PLEKHH2: variants seen among roughly 807,000 people sequenced by gnomAD.
The protein encoded by PLEKHH2 is pleckstrin homology, MyTH4 and FERM domain containing H2.
A neutral mutation model predicts 187.9 loss-of-function variants in PLEKHH2; 129 were observed. That is an observed-to-expected ratio of 0.69 (90% CI 0.59 to 0.79). The LOEUF (loss-of-function observed/expected upper bound fraction) is 0.79. Ranked by LOEUF, PLEKHH2 falls within the 30% of genes least tolerant of loss-of-function variation. The pLI, the probability that PLEKHH2 is intolerant of heterozygous loss-of-function variation, is 0.00. For synonymous variants in PLEKHH2, 686 were observed against 605.6 expected (o/e 1.13, Z -1.95); for missense variants, 2,076 against 1,751.2 (o/e 1.19, Z -3.31).
chr2:43,757,402 A>C, intron 26 of PLEKHH2, 138 bp downstream of exon 26: 1 of 577,416 alleles, frequency 1.7e-6, no homozygotes, highest in Non-Finnish European at 2.6e-6. Context: ...GCCACAGGAG[A>C]TTATAGATTT....
At position 43,720,703 on chromosome 2, in the gene PLEKHH2, C is replaced by T. The variant is rs745848811; in HGVS notation, c.2495C>T (p.Thr832Ile). 3.4e-5 allele frequency: 54 copies of T among 1,608,950 alleles called. No homozygotes were observed. Among genetic ancestry groups the T allele is most frequent in the Non-Finnish European group, 4.5e-5 (53 of 1,178,478 alleles). Reference protein sequence around the residue: ...KHGYSKRVWCTLIGKTLYYFR... With the variant: ...KHGYSKRVWCILIGKTLYYFR... ...GGATATTCCAAGAGAGTCTGGTGTACACTAATAGGAAAGACATTATATTAT... is the reference window on the plus strand; with the variant it reads ...GGATATTCCAAGAGAGTCTGGTGTATACTAATAGGAAAGACATTATATTAT... The change falls in exon 16 of 30, where the codon ACA becomes ATA. Residue 832 changes from threonine to isoleucine, a missense_variant. Transcript: ENST00000282406.
chr2:43,746,316 G>C (rs1165384938), intron 24 of PLEKHH2, among the ~76,000 whole-genome samples: 7 of 152,106 alleles, frequency 4.6e-5, no homozygotes, highest in Non-Finnish European at 8.8e-5. Flanking sequence ...CCAACACTTT[G>C]GGAGCCAACA....
chr2:43,757,793 T>C (rs1020675041), intron 26 of PLEKHH2, among the ~76,000 whole-genome samples: 2 of 152,142 alleles, frequency 1.3e-5, no homozygotes, highest in African/African-American at 4.8e-5. Flanking sequence ...AAAAAGGCTT[T>C]AGATGTACTT....
chr2:43,759,489 A>G (rs945485490), intron 27 of PLEKHH2, among the ~76,000 whole-genome samples: 12 of 152,236 alleles, frequency 7.9e-5, no homozygotes, highest in Non-Finnish European at 1.3e-4. Flanking sequence ...TGTATGGCAA[A>G]TATCACTATG....
chr2:43,667,721 A>T (rs1463818631), intron 2 of PLEKHH2, among the ~76,000 whole-genome samples: 1 of 152,244 alleles, frequency 6.6e-6, no homozygotes, highest in African/African-American at 2.4e-5. Flanking sequence ...CATTCATATG[A>T]AATATTCAGA....
intron 19 of PLEKHH2, among the ~76,000 whole-genome samples, chr2:43,733,898 A>T (rs750866696): frequency 2.0e-5 from 3 of 152,220 alleles, no homozygotes; most frequent in Non-Finnish European, 2.9e-5. Context: ...AAGAAAGACT[A>T]TACAAGTATA....
At chr2:43,749,354 A>C (rs1469184219) in intron 24 of PLEKHH2, among the ~76,000 whole-genome samples, 2 of 152,102 alleles carry the variant, frequency 1.3e-5, no homozygotes, top group Non-Finnish European at 2.9e-5. Context: ...GCCTTCCTAG[A>C]CCAAACCAAT....
At chr2:43,757,930 T>A (rs529858657) in intron 26 of PLEKHH2, among the ~76,000 whole-genome samples, 2 of 152,318 alleles carry the variant, frequency 1.3e-5, no homozygotes, top group South Asian at 4.1e-4. Context: ...TATTCTATTA[T>A]GAATAAGTTG....
At position 43,697,198 on chromosome 2, in the gene PLEKHH2, T is replaced by A; in HGVS notation, c.530T>A (p.Val177Asp). 1 of 1,605,246 alleles carries A rather than the reference T, an allele frequency of 6.2e-7. No homozygotes were observed. The highest frequency in any genetic ancestry group is 8.5e-7 in the Non-Finnish European group (1 of 1,176,970). ...GTTCAAGGAAAGAAGTCATCCACTGTCTCTACACTAAAGCTTTCGGAAGGC... is the reference window on the plus strand; with the variant it reads ...GTTCAAGGAAAGAAGTCATCCACTGACTCTACACTAAAGCTTTCGGAAGGC... ...QEVQGKKSST[V>D]STLKLSEGQR... Residue 177 changes from valine to aspartate, a missense_variant, in exon 7 of 30, where the codon GTC becomes GAC. Coordinates refer to ENST00000282406, the MANE Select transcript of PLEKHH2 (RefSeq NM_172069.4).
intron 19 of PLEKHH2, among the ~76,000 whole-genome samples, chr2:43,733,597 A>G (rs1284791913): frequency 6.6e-6 from 1 of 152,102 alleles, no homozygotes; most frequent in East Asian, 1.9e-4. Context: ...ATATGGAATT[A>G]TTGTTATTTG....
intron 20 of PLEKHH2, among the ~76,000 whole-genome samples, chr2:43,739,329 G>A (rs551279406): frequency 3.3e-5 from 5 of 152,204 alleles, no homozygotes; most frequent in East Asian, 3.9e-4. Context: ...CTCAGGATGC[G>A]TTTCTTTATT....
Position 43,758,946 on chromosome 2 carries a change from C to A in PLEKHH2, c.3988C>A (p.His1330Asn). 1 of 1,606,654 alleles carries A rather than the reference C, an allele frequency of 6.2e-7. No homozygotes were observed. The highest frequency in any genetic ancestry group is 8.5e-7 in the Non-Finnish European group (1 of 1,174,074). ...LSTRWMALRG[H>N]SAADCVRIYL... ...AACCAGATGGATGGCCCTCCGGGGACACAGTGCTGCTGACTGTGTGCGCAT... is the reference window on the plus strand; with the variant it reads ...AACCAGATGGATGGCCCTCCGGGGAAACAGTGCTGCTGACTGTGTGCGCAT... Residue 1330 changes from histidine (H) to asparagine (N), a missense_variant, in exon 27 of 30, where the codon CAC (histidine) becomes AAC (asparagine). Coordinates refer to ENST00000282406, the MANE Select transcript of PLEKHH2 (RefSeq NM_172069.4).
At chr2:43,699,201 C>G (rs1433341577) in intron 7 of PLEKHH2, among the ~76,000 whole-genome samples, 1 of 111,084 alleles carries the variant, frequency 9.0e-6, no homozygotes, top group African/African-American at 4.5e-5. Flanking sequence ...TCTCTTTAGA[C>G]TCTCAGTTTT....
chr2:43,674,474 T>A (rs12617907), intron 2 of PLEKHH2, among the ~76,000 whole-genome samples: 98,739 of 152,078 alleles, frequency 0.65, 32,817 homozygotes, highest in Middle Eastern at 0.72. Flanking sequence ...TCCAAAAGAC[T>A]TAATGCTTGT....
chr2:43,703,941 T>G, intron 8 of PLEKHH2, 40 bp from the exon 9 acceptor site: 1 of 401,824 alleles, frequency 2.5e-6, no homozygotes, highest in Non-Finnish European at 4.1e-6. Context: ...TTTTTTTTTT[T>G]GCTTTAAATA....
intron 2 of PLEKHH2, among the ~76,000 whole-genome samples, chr2:43,650,934 C>T (rs144535219): frequency 1.8e-4 from 27 of 151,924 alleles, no homozygotes; most frequent in Middle Eastern, 3.4e-3. Flanking sequence ...CATGAGCCAC[C>T]GCGCCTGGCC....
chr2:43,671,898 C>A (rs929722624), intron 2 of PLEKHH2, among the ~76,000 whole-genome samples: 1 of 152,064 alleles, frequency 6.6e-6, no homozygotes, highest in Non-Finnish European at 1.5e-5. Context: ...CAAGGATATT[C>A]GTCTTTTTCT....
At position 43,639,650 on chromosome 2, in the gene PLEKHH2, CTTTTTTTTTTTTT is replaced by C. The variant is rs869116400; in HGVS notation, c.-4+2283_-4+2295del. On this transcript the variant is annotated intron_variant, in intron 1 of 29. Transcript: ENST00000282406. The stretch of plus-strand genomic sequence containing the variant: ...AATATTCCATTGTATGGATGTACCA[CTTTTTTTTTTTTT>C]TTTTTTTTTTTGAGACAGAGTCTCA... Among the ~76,000 whole-genome samples, 3 of 99,226 alleles carry C rather than the reference CTTTTTTTTTTTTT, an allele frequency of 3.0e-5. No individual in the cohort carries two copies. The East Asian group carries it at 8.3e-4, about 27-fold the overall frequency. The allele number at this position is 99,226 out of a possible 152,430, so 65.1% of individuals were successfully genotyped here. A position where few individuals can be genotyped will look rare whatever the true frequency, so the allele number is the denominator to read the frequency against.
intron 16 of PLEKHH2, among the ~76,000 whole-genome samples, chr2:43,721,749 G>C (rs150885057): frequency 1.7e-4 from 26 of 152,144 alleles, no homozygotes; most frequent in African/African-American, 6.3e-4. Context: ...AGCTGAGTGT[G>C]GTAGTGTGTG....
Sources: allele counts gnomAD v4.1 joint callset (sites outside exome capture counted in the v4.1 genomes callset), GRCh38; gene constraint gnomAD v4.1.1; transcripts MANE v1.5; gene names NCBI Gene and HGNC (gene_info 2026-07-23, HGNC 2026-07-21).